Variants in RTN4 observed in about 807,000 individuals in gnomAD.
RTN4 encodes reticulon 4.
A neutral mutation model predicts 90.4 loss-of-function variants in RTN4; 32 were observed. The ratio of observed to expected loss-of-function variants is 0.35; its 90% CI spans 0.27 to 0.48. The LOEUF is 0.48. Ranked by LOEUF, RTN4 falls within the 20% of genes least tolerant of loss-of-function variation. The pLI is 0.99. For missense variants in RTN4, 1,706 were observed against 1,430.2 expected (o/e 1.19, Z -3.11); for synonymous variants, 629 against 552.5 (o/e 1.14, Z -1.94).
chr2:55,061,541 CCTCA>C (rs1425535608), intron 2 of RTN4, among the ~76,000 whole-genome samples: 16 of 152,134 alleles, frequency 1.1e-4, no homozygotes, highest in Admixed American at 1.0e-3. Flanking sequence ...TGTTATGTCC[CCTCA>C]GTCTCTTTGA....
chr2:55,110,882 A>T (rs1025948483), intron 1 of RTN4, among the ~76,000 whole-genome samples: 8 of 152,158 alleles, frequency 5.3e-5, no homozygotes, highest in African/African-American at 1.9e-4. Context: ...CTCTACTAAA[A>T]ATACAAAAAT....
chr2:55,121,435 A>G, the RTN4 span, among the ~76,000 whole-genome samples: 1 of 152,386 alleles, frequency 6.6e-6, no homozygotes, highest in East Asian at 1.9e-4. Context: ...ACGTCAGCCC[A>G]AGACCATTAC....
At chr2:55,029,689 C>T (rs1159291048) in intron 1 of RTN4, among the ~76,000 whole-genome samples, 1 of 152,060 alleles carries the variant, frequency 6.6e-6, no homozygotes, top group Non-Finnish European at 1.5e-5. Context: ...ATATACTGGG[C>T]ATGAAGTCAT....
At chr2:55,006,519 A>T (rs140935235) in intron 3 of RTN4, among the ~76,000 whole-genome samples, 3 of 152,246 alleles carry the variant, frequency 2.0e-5, no homozygotes, top group African/African-American at 7.2e-5. Context: ...CCCTAAAAGA[A>T]TCTCTACACG....
intron 4 of RTN4, among the ~76,000 whole-genome samples, chr2:54,983,319 G>T (rs551361022): frequency 8.4e-6 from 1 of 119,256 alleles, no homozygotes; most frequent in East Asian, 2.1e-4. Flanking sequence ...GTATTGTATT[G>T]GTAATAAATA....
chr2:55,086,759 C>T (rs1027267497), intron 1 of RTN4, among the ~76,000 whole-genome samples: 7 of 151,936 alleles, frequency 4.6e-5, no homozygotes, highest in African/African-American at 1.7e-4. Flanking sequence ...TCATCTTTCC[C>T]GCAAAGGTAA....
At chr2:55,058,886 T>C (rs1668238954) in intron 2 of RTN4, among the ~76,000 whole-genome samples, 1 of 151,872 alleles carries the variant, frequency 6.6e-6, no homozygotes, top group Admixed American at 6.6e-5. Flanking sequence ...TAAATTATAA[T>C]AATAGAGAGG....
chr2:55,074,361 G>A (rs924150369), intron 2 of RTN4, among the ~76,000 whole-genome samples: 1 of 151,756 alleles, frequency 6.6e-6, no homozygotes, highest in South Asian at 2.1e-4. Context: ...AAATTAGCCA[G>A]GTGTGGGGGC....
intron 2 of RTN4, among the ~76,000 whole-genome samples, chr2:55,072,233 T>C (rs1668526906): frequency 2.1e-5 from 1 of 47,720 alleles, no homozygotes; most frequent in East Asian, 1.0e-3. Context: ...TTTCTTTTCT[T>C]TTCTTTTTTT....
chr2:55,041,366 C>A (rs893624999), intron 1 of RTN4, among the ~76,000 whole-genome samples: 2 of 151,960 alleles, frequency 1.3e-5, no homozygotes, highest in Admixed American at 6.6e-5. Flanking sequence ...CCTACTAAAA[C>A]TCCAACAGAG....
chr2:54,990,599 A>C (rs1165165691), intron 3 of RTN4, among the ~76,000 whole-genome samples: 1 of 152,210 alleles, frequency 6.6e-6, no homozygotes, highest in East Asian at 1.9e-4. Context: ...ATAAAGAAGA[A>C]AATTTCAAAC....
chr2:55,096,611 C>G (rs1308763608), intron 1 of RTN4, among the ~76,000 whole-genome samples: 1 of 152,124 alleles, frequency 6.6e-6, no homozygotes, highest in Non-Finnish European at 1.5e-5. Flanking sequence ...CTAAATAATC[C>G]CACTTAGGAA....
At chr2:55,078,557 GTCTTCCTT>G (rs1307595536) in intron 2 of RTN4, among the ~76,000 whole-genome samples, 1 of 152,210 alleles carries the variant, frequency 6.6e-6, no homozygotes, top group Non-Finnish European at 1.5e-5. Context: ...ACTTTAGCCT[GTCTTCCTT>G]TCTTCCTTCC....
intron 3 of RTN4, among the ~76,000 whole-genome samples, chr2:54,989,777 T>C (rs1678857147): frequency 6.6e-6 from 1 of 152,170 alleles, no homozygotes; most frequent in Admixed American, 6.5e-5. Context: ...GACTGTGAAA[T>C]ACTGTAAATG....
rs2104588495 is a variant in RTN4, at chr2:54,973,037, A to C, written c.*119T>G. On this transcript the variant is annotated 3_prime_UTR_variant, in exon 9 of 9. Transcript: ENST00000337526. ...AGTGCATGGCTAAAAATAAAGATCT[A>C]ACAACGATCTGTGAAACTGCACTGC... 1 of 769,966 alleles carries C rather than the reference A, an allele frequency of 1.3e-6. No individual in the cohort carries two copies. 47.7% of individuals were successfully genotyped at this position (769,966 alleles called of 1,614,324 possible). A position where few individuals can be genotyped will look rare whatever the true frequency, so the allele number is the denominator to read the frequency against.
At chr2:55,029,825 T>G (rs1440783110) in intron 1 of RTN4, among the ~76,000 whole-genome samples, 1 of 152,216 alleles carries the variant, frequency 6.6e-6, no homozygotes, top group Non-Finnish European at 1.5e-5. Context: ...TAATGGCTTA[T>G]AAGATTTTTA....
chr2:55,059,871 T>C (rs2105001815), intron 2 of RTN4, among the ~76,000 whole-genome samples: 1 of 151,748 alleles, frequency 6.6e-6, no homozygotes, highest in African/African-American at 2.4e-5. Flanking sequence ...AGAGATGGGG[T>C]TTCACCATGT....
At chr2:55,073,026 ATTAT>A (rs1287539983) in intron 2 of RTN4, among the ~76,000 whole-genome samples, 1 of 152,090 alleles carries the variant, frequency 6.6e-6, no homozygotes, top group Non-Finnish European at 1.5e-5. Flanking sequence ...CCTCAATATA[ATTAT>A]TTATGTCTGC....
chr2:55,037,641 C>T (rs990940201), intron 1 of RTN4, among the ~76,000 whole-genome samples: 2 of 152,116 alleles, frequency 1.3e-5, no homozygotes, highest in Non-Finnish European at 2.9e-5. Flanking sequence ...ATATCCTCTG[C>T]CAGCATCCAT....
Sources: allele counts gnomAD v4.1 joint callset (sites outside exome capture counted in the v4.1 genomes callset), GRCh38; gene constraint gnomAD v4.1.1; transcripts MANE v1.5; gene names NCBI Gene and HGNC (gene_info 2026-07-23, HGNC 2026-07-21).